The following FAT1 variants were observed in gnomAD, a reference collection of about 807,000 sequenced individuals.
The protein encoded by FAT1 is FAT atypical cadherin 1.
A neutral mutation model predicts 329.8 loss-of-function variants in FAT1; 171 were observed. The observed-to-expected ratio is 0.52, with a 90% CI of 0.46 to 0.59. The LOEUF is 0.59. Ranked by LOEUF, FAT1 falls within the 20% of genes least tolerant of loss-of-function variation. FAT1 has a pLI of 0.00. For missense variants in FAT1, 5,672 were observed against 5,774.4 expected (o/e 0.98, Z 0.57); for synonymous variants, 2,233 against 2,228.6 (o/e 1.00, Z -0.06).
chr4:186,650,081 G>C (rs1219877071), intron 3 of FAT1, among the ~76,000 whole-genome samples: 1 of 152,144 alleles, frequency 6.6e-6, no homozygotes, highest in African/African-American at 2.4e-5. Context: ...ACAAAAAGCA[G>C]AGGATTAAAC....
rs1420275938 is a variant in FAT1 at position 186,620,128 on chromosome 4, G to C, written c.6458C>G (p.Thr2153Arg). The change falls in exon 10 of 27, where the codon ACA becomes AGA. Residue 2153 changes from threonine (T) to arginine (R), a missense_variant. Thr to Arg is a moderately conservative substitution (Grantham distance 71, BLOSUM62 -1). Transcript: ENST00000441802. ...GTTCCCTCCATCTTTTGCAACCACTGTAACAAGATATTCTTTATTTAAGGT... is the reference window on the plus strand; with the variant it reads ...GTTCCCTCCATCTTTTGCAACCACTCTAACAAGATATTCTTTATTTAAGGT... Reference protein sequence around the residue: ...LDTLNKEYLVTVVAKDGGNPA... With the variant: ...LDTLNKEYLVRVVAKDGGNPA... The C allele has an allele frequency of 1.2e-6, 2 of 1,613,888 alleles. No homozygotes were observed. Among genetic ancestry groups the C allele is most frequent in the African/African-American group, 2.7e-5 (2 of 74,938 alleles).
chr4:186,657,079 C>A (rs999290488), intron 3 of FAT1, among the ~76,000 whole-genome samples: 6 of 152,088 alleles, frequency 3.9e-5, no homozygotes, highest in Non-Finnish European at 7.3e-5. Context: ...GGGACACCCA[C>A]GATCGCAGCA....
intron 2 of FAT1, among the ~76,000 whole-genome samples, chr4:186,701,150 T>A (rs986837680): frequency 5.9e-5 from 9 of 152,288 alleles, no homozygotes; most frequent in Middle Eastern, 3.4e-3. Flanking sequence ...AAGCTGAATC[T>A]CTGTTGTTTT....
At chr4:186,599,444 C>T (rs1738688292) in intron 22 of FAT1, among the ~76,000 whole-genome samples, 1 of 152,160 alleles carries the variant, frequency 6.6e-6, no homozygotes, top group Non-Finnish European at 1.5e-5. Context: ...TATGGCAACA[C>T]TTCAGGAGGG....
upstream of FAT1, among the ~76,000 whole-genome samples, chr4:186,724,261 C>T (rs1242398833): frequency 6.6e-6 from 1 of 151,340 alleles, no homozygotes; most frequent in Non-Finnish European, 1.5e-5. This position sits in a 1 kb window ranked among gnomAD's most constrained non-coding sequence, Gnocchi z 5.3. Flanking sequence ...TTTCCATAGC[C>T]TTCTGGGAGC....
chr4:186,618,434 T>C lies in FAT1; in HGVS notation c.8152A>G (p.Ile2718Val), dbSNP rs3733406. The C allele has an allele frequency of 0.068, 110,175 of 1,613,960 alleles. 3,989 individuals are homozygous for C. Among genetic ancestry groups the C allele is most frequent in the Middle Eastern group, 0.081 (491 of 6,062 alleles). The change falls in exon 10 of 27, where the codon ATT becomes GTT. Residue 2718 changes from isoleucine to valine, a missense_variant. Physicochemically the swap from Ile to Val is conservative, Grantham distance 29. Coordinates refer to ENST00000441802, the MANE Select transcript of FAT1 (RefSeq NM_005245.4). ...CGGATGAGATCTATCTCTGTTCCAATAGGCACGTCCTCTGACACTGTAAAG... is the reference window on the plus strand; with the variant it reads ...CGGATGAGATCTATCTCTGTTCCAACAGGCACGTCCTCTGACACTGTAAAG... Reference protein sequence around the residue: ...YTFTVSEDVPIGTEIDLIRAE... With the variant: ...YTFTVSEDVPVGTEIDLIRAE...
intron 3 of FAT1, among the ~76,000 whole-genome samples, chr4:186,648,776 T>A (rs953743328): frequency 1.3e-5 from 2 of 152,064 alleles, no homozygotes; most frequent in South Asian, 2.1e-4. Context: ...TTCTTCCCGC[T>A]CCATGCCAGA....
In FAT1 at chr4:186,603,603, G is replaced by A. The variant is rs748428503; in HGVS notation, c.10923C>T (p.His3641=). The stretch of plus-strand genomic sequence containing the variant: ...GGTTGGCAAAGCGGATCGCGATGGT[G>A]TGGTTCAACATCTCCTGTGTGACTT... ...IRQVTQEMLN[H]TIAIRFANLT... Residue 3641 remains histidine (H), a synonymous_variant, in exon 19 of 27, where the codon CAC becomes CAT. Coordinates refer to ENST00000441802, the MANE Select transcript of FAT1 (RefSeq NM_005245.4). 1 of 1,614,036 alleles carries A rather than the reference G, an allele frequency of 6.2e-7. No homozygotes were observed.
In FAT1 at chr4:186,611,558, G is replaced by A. The variant is rs1391823265; in HGVS notation, c.9681C>T (p.Pro3227=). ...CATATTCACGGTACTCAAACACAGG[G>A]GGGTTGTCATTTATGTCAAGAACTG... ...IVSVLDINDN[P]PVFEYREYGA... Residue 3227 remains proline, a synonymous_variant, in exon 14 of 27, where the codon CCC becomes CCT. Coordinates refer to ENST00000441802, the MANE Select transcript of FAT1 (RefSeq NM_005245.4). The A allele has an allele frequency of 1.9e-6, 3 of 1,613,770 alleles. No individual in the cohort carries two copies. The African/African-American group carries it at 4.0e-5, about 22-fold the overall frequency.
chr4:186,650,914 G>A (rs1268267881), intron 3 of FAT1, among the ~76,000 whole-genome samples: 3 of 152,038 alleles, frequency 2.0e-5, no homozygotes, highest in African/African-American at 7.2e-5. Context: ...CCAACCAGAT[G>A]CATGGAAAAC....
chr4:186,590,191 G>A (rs1331768962), intron 26 of FAT1, among the ~76,000 whole-genome samples: 2 of 151,554 alleles, frequency 1.3e-5, no homozygotes, highest in Non-Finnish European at 2.9e-5. Context: ...AATCCTTGGA[G>A]AGGCGGGAGA....
chr4:186,633,090 T>A (rs1404914634), intron 7 of FAT1, among the ~76,000 whole-genome samples: 1 of 152,158 alleles, frequency 6.6e-6, no homozygotes, highest in Admixed American at 6.5e-5. Flanking sequence ...ATATTCCTTC[T>A]GTACACTCCA....
intron 2 of FAT1, among the ~76,000 whole-genome samples, chr4:186,703,714 C>G (rs142106120): frequency 1.2e-4 from 18 of 152,338 alleles, no homozygotes; most frequent in African/African-American, 4.1e-4. Context: ...CAAGCACCAG[C>G]CTGGCCTGGG....
chr4:186,710,899 A>G (rs760613173), intron 1 of FAT1, among the ~76,000 whole-genome samples: 14 of 152,248 alleles, frequency 9.2e-5, no homozygotes, highest in Non-Finnish European at 2.1e-4. Flanking sequence ...GTTGCCTTTA[A>G]CAATGACAAA....
In FAT1 at chr4:186,597,018, C is replaced by G. The variant is rs72716245; in HGVS notation, c.12522G>C (p.Pro4174=). The part of the protein sequence containing the change: ...DAAPNQYVST[P]WNIGLAEGIG... ...TTCCTTCCGCCAACCCAATGTTCCA[C>G]GGCGTGGACACATACTGGTTGGGCG... is the stretch of plus-strand genomic sequence containing the variant. The change falls in exon 25 of 27, where the codon CCG becomes CCC. Residue 4174 remains proline, a synonymous_variant. Coordinates refer to ENST00000441802, the MANE Select transcript of FAT1 (RefSeq NM_005245.4). 24 of 1,613,888 alleles carry G rather than the reference C, an allele frequency of 1.5e-5. No homozygotes were observed. Among genetic ancestry groups the G allele is most frequent in the Non-Finnish European group, 1.7e-6 (2 of 1,179,906 alleles).
intron 2 of FAT1, among the ~76,000 whole-genome samples, chr4:186,697,034 A>ATAAT (rs898921657): frequency 2.6e-4 from 39 of 152,234 alleles, no homozygotes; most frequent in South Asian, 8.3e-4. Context: ...GTCTTAGAAA[A>ATAAT]TAATTAATTA....
rs1398032590 is a variant in FAT1, at chr4:186,603,372, G to A, written c.11154C>T (p.Ser3718=). The A allele has an allele frequency of 4.3e-6, 7 of 1,613,960 alleles. No individual in the cohort carries two copies. The highest frequency in any genetic ancestry group is 2.2e-5 in the East Asian group (1 of 44,870). ...TKQLLHKINS[S]VTDIEEIIGV... is the part of the protein sequence containing the mutation. Reference sequence around the variant, plus strand: ...CAATGATTTCCTCAATGTCAGTCACGGAAGAGTTAATCTTGTGCAGAAGTT... The same window carrying A: ...CAATGATTTCCTCAATGTCAGTCACAGAAGAGTTAATCTTGTGCAGAAGTT... The change falls in exon 19 of 27, where the codon TCC becomes TCT. Residue 3718 remains serine (S), a synonymous_variant. Coordinates refer to ENST00000441802, the MANE Select transcript of FAT1 (RefSeq NM_005245.4).
Position 186,600,158 on chromosome 4 carries a change from T to G in FAT1, c.11843A>C (p.Asn3948Thr), listed in dbSNP as rs754900698. Reference sequence around the variant, plus strand: ...GATGTGGCCACCAAAAAACACATAGTTATCCAGGTTCAGGGTTTTCAGAGT... The same window carrying G: ...GATGTGGCCACCAAAAAACACATAGGTATCCAGGTTCAGGGTTTTCAGAGT... ...PGTLKTLNLD[N>T]YVFFGGHIRQ... The change falls in exon 22 of 27, where the codon AAC becomes ACC. Residue 3948 changes from asparagine (N) to threonine (T), a missense_variant. By Grantham distance (65) the Asn-to-Thr change is moderately conservative. Transcript: ENST00000441802. 6.2e-7 allele frequency: 1 copy of G among 1,614,062 alleles called. No individual in the cohort carries two copies. Among genetic ancestry groups the G allele is most frequent in the East Asian group, 2.2e-5 (1 of 44,886 alleles).
At chr4:186,609,361 G>A (rs1178670587) in intron 15 of FAT1, 41 bp from the exon 16 acceptor site, 1 of 1,600,142 alleles carries the variant, frequency 6.2e-7, no homozygotes, top group South Asian at 1.1e-5. Flanking sequence ...CAGCTAAGAA[G>A]AGGCCTAAAC....
Sources: gnomAD v4.1 joint callset for allele counts (sites outside exome capture counted in the v4.1 genomes callset) on GRCh38, gnomAD v4.1.1 for gene constraint, Gnocchi (gnomAD v3.1) non-coding constraint, MANE v1.5 for transcripts, NCBI Gene and HGNC (gene_info 2026-07-23, HGNC 2026-07-21) for gene names.